CCDC179: variants seen among roughly 807,000 people sequenced by gnomAD.
CCDC179 encodes coiled-coil domain containing 179.
A neutral mutation model predicts 12.0 loss-of-function variants in CCDC179; 17 were observed. The observed-to-expected ratio is 1.42, with a 90% CI of 0.97 to 2.13. The LOEUF (loss-of-function observed/expected upper bound fraction) is 2.13. CCDC179 is among the 30% of genes most tolerant of loss of function. The pLI is 0.00. For synonymous variants in CCDC179, 27 were observed against 26.4 expected (o/e 1.02, Z -0.07); for missense variants, 83 against 78.6 (o/e 1.06, Z -0.21).
intron 3 of CCDC179, among the ~76,000 whole-genome samples, chr11:22,848,744 A>T (rs1858295836): frequency 6.6e-6 from 1 of 152,224 alleles, no homozygotes; most frequent in African/African-American, 2.4e-5. Context: ...TGTATAAGAG[A>T]TGAAAAGGTA....
At chr11:22,851,914 G>A (rs1013941202) in intron 3 of CCDC179, among the ~76,000 whole-genome samples, 1 of 152,136 alleles carries the variant, frequency 6.6e-6, no homozygotes, top group Admixed American at 6.5e-5. Flanking sequence ...AAGGATCAGA[G>A]AACAATCTTT....
At chr11:22,857,838 T>G (rs545216884) in intron 3 of CCDC179, 84 bp downstream of exon 3, 57 of 648,078 alleles carry the variant, frequency 8.8e-5, no homozygotes, top group East Asian at 9.9e-5. Flanking sequence ...AAAAGAAAAT[T>G]TATAGTGAAT....
rs1858249106 is a variant in CCDC179 at position 22,847,455 on chromosome 11, C to T, written c.*55G>A. The T allele has an allele frequency of 8.3e-6, 10 of 1,208,214 alleles. No individual in the cohort carries two copies. The highest frequency in any genetic ancestry group is 2.0e-4 in the Middle Eastern group (1 of 5,050). 74.8% of individuals were successfully genotyped at this position (1,208,214 alleles called of 1,614,324 possible). On this transcript the variant is annotated 3_prime_UTR_variant, in exon 4 of 4. Coordinates refer to ENST00000532798, the MANE Select transcript of CCDC179 (RefSeq NM_001195637.2). ...TTCATGATATGTCACTTGATGTTCA[C>T]AATCCACATATTTCTGTCTGGAGCA...
At chr11:22,854,245 G>T (rs1858484876) in intron 3 of CCDC179, among the ~76,000 whole-genome samples, 1 of 151,650 alleles carries the variant, frequency 6.6e-6, no homozygotes, top group South Asian at 2.1e-4. Context: ...CAGAAACTTG[G>T]ACGTACTTAA....
intron 3 of CCDC179, among the ~76,000 whole-genome samples, chr11:22,854,836 CTT>C (rs1039131615): frequency 6.6e-5 from 10 of 151,628 alleles, no homozygotes; most frequent in Admixed American, 4.6e-4. Context: ...AAGAAACTCA[CTT>C]TATAAGGGCA....
intron 3 of CCDC179, among the ~76,000 whole-genome samples, chr11:22,850,977 T>TATATATATATA (rs67952406): frequency 1.7e-4 from 1 of 5,740 alleles, no homozygotes; most frequent in Non-Finnish European, 4.1e-4. Flanking sequence ...TATATATATA[T>TATATATATATA]TTTTTTTTTT....
intron 3 of CCDC179, 69 bp from the exon 4 acceptor site, chr11:22,847,590 T>C: frequency 3.9e-6 from 3 of 770,856 alleles, no homozygotes; most frequent in Non-Finnish European, 5.7e-6. Flanking sequence ...AGATTAGATA[T>C]ACTATAAATT....
At chr11:22,859,641 C>A in intron 1 of CCDC179, 145 bp from the exon 2 acceptor site, 1 of 447,632 alleles carries the variant, frequency 2.2e-6, no homozygotes, top group Non-Finnish European at 3.7e-6. Context: ...GTTAAAAAAA[C>A]AAAAAGAAAA....
chr11:22,850,963 T>C (rs1192520401), intron 3 of CCDC179, among the ~76,000 whole-genome samples: 4 of 19,756 alleles, frequency 2.0e-4, no homozygotes, highest in Non-Finnish European at 4.6e-4. Flanking sequence ...TATATATATA[T>C]ATATATATAT....
At chr11:22,852,004 T>G (rs144848021) in intron 3 of CCDC179, among the ~76,000 whole-genome samples, 1 of 152,306 alleles carries the variant, frequency 6.6e-6, no homozygotes, top group Non-Finnish European at 1.5e-5. Context: ...TACCAGAGCA[T>G]GCTCTCAAGA....
chr11:22,850,296 T>A (rs1398154264), intron 3 of CCDC179, among the ~76,000 whole-genome samples: 1 of 152,232 alleles, frequency 6.6e-6, no homozygotes, highest in African/African-American at 2.4e-5. Context: ...TCCATACCCT[T>A]ACTATCTGCC....
chr11:22,850,503 T>G (rs1459445507), intron 3 of CCDC179, among the ~76,000 whole-genome samples: 1 of 152,234 alleles, frequency 6.6e-6, no homozygotes, highest in Non-Finnish European at 1.5e-5. Context: ...GATGTGCATT[T>G]AGCCTCATTC....
At chr11:22,852,814 T>C (rs1858439008) in intron 3 of CCDC179, among the ~76,000 whole-genome samples, 1 of 152,162 alleles carries the variant, frequency 6.6e-6, no homozygotes, top group African/African-American at 2.4e-5. Context: ...TCTATTGCAA[T>C]TCCCCTGTCT....
chr11:22,856,290 T>A (rs1858527951), intron 3 of CCDC179, among the ~76,000 whole-genome samples: 2 of 151,386 alleles, frequency 1.3e-5, no homozygotes, highest in South Asian at 4.1e-4. Flanking sequence ...AGCAAATTGA[T>A]CCAAACATGT....
At chr11:22,850,975 TA>T (rs1237900744) in intron 3 of CCDC179, among the ~76,000 whole-genome samples, 19 of 15,662 alleles carry the variant, frequency 1.2e-3, no homozygotes, top group African/African-American at 2.5e-3. Context: ...TATATATATA[TA>T]TTTTTTTTTT....
chr11:22,859,573 AGCCTAT>A, intron 1 of CCDC179, 77 bp from the exon 2 acceptor site: 1 of 779,778 alleles, frequency 1.3e-6, no homozygotes, highest in Non-Finnish European at 1.9e-6. Flanking sequence ...TATAATAGGA[AGCCTAT>A]GCTACTTTTA....
chr11:22,851,848 G>A (rs1858411374), intron 3 of CCDC179, among the ~76,000 whole-genome samples: 1 of 152,132 alleles, frequency 6.6e-6, no homozygotes, highest in Non-Finnish European at 1.5e-5. Flanking sequence ...CAGTCTTAGG[G>A]AAGCTCCCAT....
intron 2 of CCDC179, among the ~76,000 whole-genome samples, chr11:22,859,231 G>T (rs1858606481): frequency 1.3e-5 from 2 of 152,090 alleles, no homozygotes; most frequent in Admixed American, 1.3e-4. Flanking sequence ...ATCTATTTTT[G>T]TATATGTGTC....
chr11:22,855,452 C>G (rs1047120840), intron 3 of CCDC179, among the ~76,000 whole-genome samples: 5 of 151,398 alleles, frequency 3.3e-5, no homozygotes, highest in African/African-American at 1.2e-4. Flanking sequence ...ACAACTAGCA[C>G]ATAGATCGAT....
Sources: gnomAD v4.1 joint callset for allele counts (sites outside exome capture counted in the v4.1 genomes callset) on GRCh38, gnomAD v4.1.1 for gene constraint, MANE v1.5 for transcripts, NCBI Gene and HGNC (gene_info 2026-07-23, HGNC 2026-07-21) for gene names.